Variants in UST observed in about 807,000 individuals in gnomAD.
UST encodes uronyl 2-sulfotransferase.
UST carries 21 observed loss-of-function variants against 45.6 expected under a neutral mutation model. The ratio of observed to expected loss-of-function variants is 0.46; its 90% CI spans 0.33 to 0.66. UST has a LOEUF of 0.66. Among genes scored for constraint, UST ranks in the 30% least tolerant of loss-of-function variants. The pLI is 0.02. For synonymous variants in UST, 215 were observed against 200.6 expected, an observed-to-expected ratio of 1.07 and a Z score of -0.61; for missense variants, 463 against 512.4, an observed-to-expected ratio of 0.90 and a Z score of 0.93.
At chr6:148,769,728 A>G (rs1344965381) in intron 1 of UST, among the ~76,000 whole-genome samples, 1 of 150,762 alleles carries the variant, frequency 6.6e-6, no homozygotes, top group African/African-American at 2.5e-5. Flanking sequence ...AGATGGGAGT[A>G]TAGGAATGTA....
rs141136305 is a variant in UST, at chr6:149,073,984, A to G, written c.1089A>G (p.Gly363=). The G allele has an allele frequency of 1.5e-3, 2,388 of 1,614,206 alleles. 7 individuals carry two copies. Among genetic ancestry groups the G allele is most frequent in the South Asian group, 7.3e-3 (667 of 91,088 alleles). ...EQFHLLKRKF[G]LKSHVSKPPL... ...TCCACCTGCTGAAGCGCAAGTTTGG[A>G]CTTAAGTCTCACGTCAGCAAGCCCC... The change falls in exon 8 of 8, where the codon GGA becomes GGG. Residue 363 remains glycine, a synonymous_variant. Coordinates refer to ENST00000367463, the MANE Select transcript of UST (RefSeq NM_005715.3).
At chr6:149,060,808 A>T (rs185920676) in intron 7 of UST, among the ~76,000 whole-genome samples, 220 of 152,272 alleles carry the variant, frequency 1.4e-3, no homozygotes, top group African/African-American at 5.1e-3. Flanking sequence ...GCGCTTCTTA[A>T]AACAGCAAGG....
At chr6:148,855,497 C>G (rs1235245064) in intron 1 of UST, among the ~76,000 whole-genome samples, 3 of 152,192 alleles carry the variant, frequency 2.0e-5, no homozygotes, top group Non-Finnish European at 2.9e-5. Context: ...AAGGAACAAG[C>G]TCTCTGCTGG....
chr6:148,859,175 T>C (rs974376181), intron 1 of UST, among the ~76,000 whole-genome samples: 3 of 150,182 alleles, frequency 2.0e-5, no homozygotes, highest in African/African-American at 4.8e-5. Context: ...TTCCTGACTT[T>C]TTACCATTCT....
At chr6:149,055,018 A>T (rs905843581) in intron 7 of UST, among the ~76,000 whole-genome samples, 5 of 152,200 alleles carry the variant, frequency 3.3e-5, no homozygotes, top group African/African-American at 9.6e-5. Flanking sequence ...GAAATGTCTT[A>T]GTGAGGGGAC....
chr6:149,074,031 T>G lies in UST; in HGVS notation c.1136T>G (p.Ile379Ser). The G allele has an allele frequency of 6.2e-7, 1 of 1,614,132 alleles. No individual in the cohort carries two copies. The highest frequency in any genetic ancestry group is 8.5e-7 in the Non-Finnish European group (1 of 1,180,026). ...CCCCCCCTGAGGCCACACTTCTTTA[T>G]CCCAACTCCACTGGAAACCGAGGAG... is the stretch of plus-strand genomic sequence containing the variant. Reference protein sequence around the residue: ...SKPPLRPHFFIPTPLETEEPI... With the variant: ...SKPPLRPHFFSPTPLETEEPI... Residue 379 changes from isoleucine (I) to serine (S), a missense_variant, in exon 8 of 8, where the codon ATC (isoleucine) becomes AGC (serine). Coordinates refer to ENST00000367463, the MANE Select transcript of UST (RefSeq NM_005715.3).
intron 6 of UST, among the ~76,000 whole-genome samples, chr6:149,020,094 C>G (rs1775957020): frequency 6.6e-6 from 1 of 152,112 alleles, no homozygotes; most frequent in Non-Finnish European, 1.5e-5. Context: ...TCTGAAAAGG[C>G]CAAAGGAGAA....
chr6:148,797,462 G>T (rs754335547), intron 1 of UST, among the ~76,000 whole-genome samples: 1 of 152,162 alleles, frequency 6.6e-6, no homozygotes, highest in Non-Finnish European at 1.5e-5. Context: ...TTCCTAATAT[G>T]TTATTGATTT....
intron 1 of UST, among the ~76,000 whole-genome samples, chr6:148,796,819 T>TTTTA: frequency 7.7e-6 from 1 of 130,142 alleles, no homozygotes; most frequent in East Asian, 2.5e-4. Context: ...TTTTTTTTTT[T>TTTTA]TGAGATGGAG....
intron 1 of UST, among the ~76,000 whole-genome samples, chr6:148,805,009 C>CA (rs1179902312): frequency 1.3e-5 from 2 of 151,942 alleles, no homozygotes; most frequent in Non-Finnish European, 2.9e-5. Flanking sequence ...TTCTAATTTT[C>CA]ACATATAGTA....
At chr6:148,956,568 C>T (rs939975092) in intron 4 of UST, among the ~76,000 whole-genome samples, 12 of 152,178 alleles carry the variant, frequency 7.9e-5, no homozygotes, top group Middle Eastern at 3.4e-3. Context: ...GGTGGGGACA[C>T]GGAGCCAAAA....
intron 2 of UST, among the ~76,000 whole-genome samples, chr6:148,890,189 C>G (rs761070160): frequency 1.3e-5 from 2 of 152,128 alleles, no homozygotes; most frequent in Non-Finnish European, 2.9e-5. Flanking sequence ...AAAAATATTA[C>G]TGGTATGTGA....
At chr6:148,960,354 C>T (rs1330153544) in intron 4 of UST, among the ~76,000 whole-genome samples, 1 of 152,182 alleles carries the variant, frequency 6.6e-6, no homozygotes, top group Admixed American at 6.5e-5. Context: ...CCCAAAAGGT[C>T]CTGTTCTTTT....
chr6:148,903,917 C>CTT (rs1282523029), intron 2 of UST, among the ~76,000 whole-genome samples: 4 of 152,194 alleles, frequency 2.6e-5, no homozygotes, highest in African/African-American at 9.6e-5. Flanking sequence ...CATGATTTAT[C>CTT]TATGTCAGAG....
At chr6:148,931,956 G>A (rs764914991) in intron 2 of UST, among the ~76,000 whole-genome samples, 6 of 152,228 alleles carry the variant, frequency 3.9e-5, no homozygotes, top group Non-Finnish European at 7.3e-5. Flanking sequence ...GTTTAGCCTC[G>A]CAAACTTGCA....
intron 5 of UST, among the ~76,000 whole-genome samples, chr6:148,984,958 A>G (rs1781212267): frequency 6.6e-6 from 1 of 152,234 alleles, no homozygotes. Flanking sequence ...CAATTGTTTC[A>G]TGAGTAATTG....
chr6:148,955,503 A>T (rs1780474316), intron 4 of UST: 1 of 152,256 alleles, frequency 6.6e-6, no homozygotes, highest in Non-Finnish European at 1.5e-5. Context: ...AATTTTCCAC[A>T]GTAATCCAGG....
At chr6:148,782,762 C>T (rs945752803) in intron 1 of UST, among the ~76,000 whole-genome samples, 4 of 152,160 alleles carry the variant, frequency 2.6e-5, no homozygotes, top group African/African-American at 9.7e-5. Flanking sequence ...CAAGTTGTTT[C>T]TTATGGATAA....
intron 7 of UST, among the ~76,000 whole-genome samples, chr6:149,036,704 C>T (rs1776243704): frequency 1.3e-5 from 2 of 152,224 alleles, no homozygotes; most frequent in South Asian, 4.1e-4. Flanking sequence ...CTGCCTTCAG[C>T]ATCTGTATCT....
Sources: gnomAD v4.1 joint callset for allele counts (sites outside exome capture counted in the v4.1 genomes callset) on GRCh38, gnomAD v4.1.1 for gene constraint, MANE v1.5 for transcripts, NCBI Gene and HGNC (gene_info 2026-07-23, HGNC 2026-07-21) for gene names.